PKD2L1: variants seen among roughly 807,000 people sequenced by gnomAD.
PKD2L1 encodes polycystin-2-like protein 1.
In PKD2L1, 77 loss-of-function variants were observed where a neutral mutation model predicts 93.0. The ratio of observed to expected loss-of-function variants is 0.83; its 90% CI spans 0.69 to 1.00. The LOEUF (loss-of-function observed/expected upper bound fraction) is 1.00, where lower values mean the gene tolerates loss of function less well. PKD2L1 is among the 50% of genes least tolerant of loss of function. PKD2L1 has a pLI of 0.00. For missense variants in PKD2L1, 977 were observed against 990.9 expected, an observed-to-expected ratio of 0.99 and a Z score of 0.19; for synonymous variants, 390 against 388.0, an observed-to-expected ratio of 1.01 and a Z score of -0.06.
chr10:100,323,804 A>G (rs1002831978), intron 2 of PKD2L1, among the ~76,000 whole-genome samples: 1 of 152,072 alleles, frequency 6.6e-6, no homozygotes, highest in Non-Finnish European at 1.5e-5. Context: ...TTTTTAATAC[A>G]CTTTTTAAGA....
At chr10:100,320,636 G>A (rs921961349) in intron 2 of PKD2L1, among the ~76,000 whole-genome samples, 2 of 152,154 alleles carry the variant, frequency 1.3e-5, no homozygotes, top group Admixed American at 1.3e-4. Flanking sequence ...CACAAAAATA[G>A]ATACACATTA....
chr10:100,320,092 A>G (rs1382824362), intron 2 of PKD2L1, among the ~76,000 whole-genome samples: 1 of 152,230 alleles, frequency 6.6e-6, no homozygotes, highest in Admixed American at 6.5e-5. Context: ...TCCCTCAGAA[A>G]GAGCTCTGAG....
At chr10:100,303,190 T>A (rs1848721769) in intron 2 of PKD2L1, among the ~76,000 whole-genome samples, 1 of 118,962 alleles carries the variant, frequency 8.4e-6, no homozygotes, top group Non-Finnish European at 1.7e-5. Context: ...TACATCAAAC[T>A]GTTTTTTTGT....
intron 11 of PKD2L1, among the ~76,000 whole-genome samples, chr10:100,291,912 C>T (rs765055339): frequency 6.6e-6 from 1 of 152,068 alleles, no homozygotes; most frequent in South Asian, 2.1e-4. Context: ...CTGTCCCCGC[C>T]CCTTTATTTA....
chr10:100,299,649 G>T lies in PKD2L1; in HGVS notation c.419C>A (p.Thr140Asn). 6.2e-7 allele frequency: 1 copy of T among 1,611,960 alleles called. No homozygotes were observed. Among genetic ancestry groups the T allele is most frequent in the South Asian group, 1.1e-5 (1 of 91,044 alleles). ...AAAGGAGACTCCAGTGTCTGATGGA[G>T]TATGTAAGAAGAGCTCAGACATCAC... Reference protein sequence around the residue: ...TKVMSELFLHTPSDTGVSFQA... With the variant: ...TKVMSELFLHNPSDTGVSFQA... The change falls in exon 3 of 16, where the codon ACT becomes AAT. Residue 140 changes from threonine (T) to asparagine (N), a missense_variant. Coordinates refer to ENST00000318222, the MANE Select transcript of PKD2L1 (RefSeq NM_016112.3).
rs912867779 is a variant in PKD2L1 at position 100,297,144 on chromosome 10, G to A, written c.1021C>T (p.Leu341=). Reference sequence around the variant, plus strand: ...TCCCAGTTGCTGACATAGCGGATCAGCTTGACTGTGCGGATTTGCCAGGAT... The same window carrying A: ...TCCCAGTTGCTGACATAGCGGATCAACTTGACTGTGCGGATTTGCCAGGAT... ...IPSWQIRTVK[L]IRYVSNWDFF... The change falls in exon 6 of 16, where the codon CTG becomes TTG. Residue 341 remains leucine (L), a synonymous_variant. Coordinates refer to ENST00000318222, the MANE Select transcript of PKD2L1 (RefSeq NM_016112.3). The A allele has an allele frequency of 6.2e-7, 1 of 1,614,192 alleles. No homozygotes were observed. Among genetic ancestry groups the A allele is most frequent in the Non-Finnish European group, 8.5e-7 (1 of 1,180,038 alleles).
chr10:100,329,116 G>A (rs188800733), intron 2 of PKD2L1, 95 bp downstream of exon 2: 119 of 1,169,574 alleles, frequency 1.0e-4, no homozygotes, highest in Middle Eastern at 5.9e-4. Flanking sequence ...ATAGATGCTC[G>A]CTCCACAGAT....
rs747791787 is a variant in PKD2L1 at position 100,288,430 on chromosome 10, G to A, written c.2384C>T (p.Ser795Phe). The change falls in exon 16 of 16, where the codon TCC (serine) becomes TTC (phenylalanine). Residue 795 changes from serine to phenylalanine, a missense_variant. Coordinates refer to ENST00000318222, the MANE Select transcript of PKD2L1 (RefSeq NM_016112.3). ...CTGCAACGTTGGAATCTCACCACGG[G>A]AGAGTCTCCTCTCCTCTAAGGCTTC... ...EEEALEERRL[S>F]RGEIPTLQRS The A allele has an allele frequency of 1.9e-6, 3 of 1,613,064 alleles. No individual in the cohort carries two copies. Among genetic ancestry groups the A allele is most frequent in the East Asian group, 2.2e-5 (1 of 44,872 alleles).
Position 100,294,516 on chromosome 10 carries a change from C to G in PKD2L1, c.1659+19G>C. ...CCCTGCAGGCTCTCTATGTCCCCACCCCTCAGAGAGACCCTCACCAGGAGC... is the reference window on the plus strand; with the variant it reads ...CCCTGCAGGCTCTCTATGTCCCCACGCCTCAGAGAGACCCTCACCAGGAGC... On this transcript the variant is annotated intron_variant, in intron 9 of 15. Transcript: ENST00000318222. The G allele has an allele frequency of 6.2e-7, 1 of 1,613,906 alleles. No homozygotes were observed. Among genetic ancestry groups the G allele is most frequent in the Non-Finnish European group, 8.5e-7 (1 of 1,179,876 alleles).
At chr10:100,310,080 T>A (rs1193609461) in intron 2 of PKD2L1, among the ~76,000 whole-genome samples, 2 of 152,144 alleles carry the variant, frequency 1.3e-5, no homozygotes, top group Non-Finnish European at 2.9e-5. Context: ...ACACCTGTAA[T>A]CTCAGAAATT....
chr10:100,303,965 C>T (rs377680922), intron 2 of PKD2L1, among the ~76,000 whole-genome samples: 5 of 152,206 alleles, frequency 3.3e-5, no homozygotes, highest in Non-Finnish European at 7.4e-5. Context: ...TAACATTGCT[C>T]GGAGAAATAA....
In PKD2L1 at chr10:100,298,693, C is replaced by T; in HGVS notation, c.600G>A (p.Leu200=). Residue 200 remains leucine, a synonymous_variant, in exon 4 of 16, where the codon CTG becomes CTA. Transcript: ENST00000318222. ...YENMLLGVPR[L]RQLKVRNDSC... ...AGTCATTGCGGACCTTTAGCTGCCG[C>T]AGCCTCGGAACCCCCAGCAGCATGT... The T allele has an allele frequency of 6.2e-7, 1 of 1,614,154 alleles. No homozygotes were observed. Among genetic ancestry groups the T allele is most frequent in the African/African-American group, 1.3e-5 (1 of 75,032 alleles).
At chr10:100,321,716 A>C (rs1281127154) in intron 2 of PKD2L1, among the ~76,000 whole-genome samples, 1 of 7,802 alleles carries the variant, frequency 1.3e-4, no homozygotes, top group African/African-American at 4.6e-4. Context: ...AGAAAGAAAG[A>C]AAGAAAGAAA....
Position 100,330,167 on chromosome 10 carries a change from A to G in PKD2L1, c.-64T>C. On this transcript the variant is annotated 5_prime_UTR_variant, in exon 1 of 16. Transcript: ENST00000318222. ...ACTCTCAGCTAGAGGAAGAGGGAGC[A>G]GAGGCACAGCCCAGCCTAGCCAGCA... The G allele has an allele frequency of 1.9e-6, 2 of 1,045,304 alleles. No individual in the cohort carries two copies. The highest frequency in any genetic ancestry group is 2.8e-6 in the Non-Finnish European group (2 of 708,176). 64.8% of individuals were successfully genotyped at this position (1,045,304 alleles called of 1,614,324 possible).
intron 11 of PKD2L1, 38 bp downstream of exon 11, chr10:100,292,910 G>A (rs1471576240): frequency 2.5e-6 from 4 of 1,600,082 alleles, no homozygotes; most frequent in South Asian, 2.2e-5. Context: ...GGACTTAAGA[G>A]ACTGTTATTA....
At chr10:100,308,453 G>A (rs1848856612) in intron 2 of PKD2L1, among the ~76,000 whole-genome samples, 1 of 151,656 alleles carries the variant, frequency 6.6e-6, no homozygotes, top group African/African-American at 2.4e-5. Context: ...TCCTGCTTCA[G>A]CCTCCCAGGT....
chr10:100,328,603 T>C (rs559134821), intron 2 of PKD2L1, among the ~76,000 whole-genome samples: 61 of 151,812 alleles, frequency 4.0e-4, no homozygotes, highest in Non-Finnish European at 7.8e-4. Context: ...TTTTTTTTTT[T>C]GGAGACAGAG....
At chr10:100,324,453 T>C (rs981799856) in intron 2 of PKD2L1, among the ~76,000 whole-genome samples, 2 of 152,224 alleles carry the variant, frequency 1.3e-5, no homozygotes, top group Admixed American at 1.3e-4. Flanking sequence ...CCCCAACCCC[T>C]GGAAGCCACT....
chr10:100,297,702 TTGTGTGTGTGTGTGTGTGTGTGTGTG>T (rs60373525), intron 4 of PKD2L1, 96 bp from the exon 5 acceptor site: 1 of 536,934 alleles, frequency 1.9e-6, no homozygotes, highest in East Asian at 3.5e-5. Flanking sequence ...GGTTTACATA[TTGTGTGTGTGTGTGTGTGTGTGTGTG>T]TGTGTGTGTG....
Sources: gnomAD v4.1 joint callset for allele counts (sites outside exome capture counted in the v4.1 genomes callset) on GRCh38, gnomAD v4.1.1 for gene constraint, MANE v1.5 for transcripts, NCBI Gene and HGNC (gene_info 2026-07-23, HGNC 2026-07-21) for gene names.